CNTNAP2: variants seen among roughly 807,000 people sequenced by gnomAD.
CNTNAP2 encodes contactin-associated protein-like 2.
Under a neutral mutation model 155.2 loss-of-function variants are expected in CNTNAP2, and 98 were observed. The observed-to-expected ratio is 0.63, with a 90% CI of 0.54 to 0.75. The LOEUF (loss-of-function observed/expected upper bound fraction) is 0.75, where lower values mean the gene tolerates loss of function less well. Among genes scored for constraint, CNTNAP2 ranks in the 30% least tolerant of loss-of-function variants. The probability of loss-of-function intolerance (pLI) is 0.00; values close to 1 mark genes in which losing one functional copy is unlikely to be tolerated. For missense variants in CNTNAP2, 1,727 were observed against 1,688.1 expected, an observed-to-expected ratio of 1.02 and a Z score of -0.40; for synonymous variants, 651 against 631.2, an observed-to-expected ratio of 1.03 and a Z score of -0.47.
chr7:146,795,375 G>T (rs1323636368), intron 2 of CNTNAP2, among the ~76,000 whole-genome samples: 1 of 152,048 alleles, frequency 6.6e-6, no homozygotes, highest in Non-Finnish European at 1.5e-5. Flanking sequence ...CAACATTCAT[G>T]GTACAAAACA....
chr7:147,353,177 C>G (rs1796000032), intron 9 of CNTNAP2, among the ~76,000 whole-genome samples: 1 of 149,886 alleles, frequency 6.7e-6, no homozygotes, highest in African/African-American at 2.5e-5. Context: ...ACTTTAAGTT[C>G]TGGGATACAT....
intron 1 of CNTNAP2, among the ~76,000 whole-genome samples, chr7:146,524,163 G>A (rs1047654386): frequency 4.6e-5 from 7 of 152,090 alleles, no homozygotes; most frequent in Non-Finnish European, 1.0e-4. Context: ...TCACTATGTC[G>A]ATGGCCCATA....
At chr7:146,634,537 A>G (rs1799566575) in intron 1 of CNTNAP2, among the ~76,000 whole-genome samples, 1 of 152,206 alleles carries the variant, frequency 6.6e-6, no homozygotes. Flanking sequence ...TAAAGAAATT[A>G]ACTGATTTTA....
intron 1 of CNTNAP2, among the ~76,000 whole-genome samples, chr7:146,665,712 C>T (rs1017670853): frequency 4.9e-4 from 68 of 138,868 alleles, no homozygotes; most frequent in African/African-American, 1.7e-3. Context: ...ACCCAGGAGG[C>T]GGAGGTGGCA....
At chr7:147,414,449 A>G (rs13243643) in intron 10 of CNTNAP2, among the ~76,000 whole-genome samples, 25,732 of 149,910 alleles carry the variant, frequency 0.17, 2,894 homozygotes, top group Non-Finnish European at 0.25. Context: ...AAAAAAAAAA[A>G]AAGGATGCCA....
intron 1 of CNTNAP2, among the ~76,000 whole-genome samples, chr7:146,637,636 T>G (rs1799621734): frequency 6.6e-6 from 1 of 152,210 alleles, no homozygotes; most frequent in African/African-American, 2.4e-5. Flanking sequence ...CTTTCTAATG[T>G]GTATTTTCTC....
At chr7:147,524,233 T>C (rs1342886675) in intron 11 of CNTNAP2, among the ~76,000 whole-genome samples, 3 of 152,252 alleles carry the variant, frequency 2.0e-5, no homozygotes, top group Middle Eastern at 3.4e-3. Context: ...AGTTGAAAAA[T>C]AGCGTGGCTA....
intron 8 of CNTNAP2, among the ~76,000 whole-genome samples, chr7:147,290,695 A>G (rs1169463144): frequency 6.6e-6 from 1 of 151,596 alleles, no homozygotes; most frequent in Non-Finnish European, 1.5e-5. Context: ...AAAAAAAAAA[A>G]AAAAAAAAAA....
At chr7:148,054,523 GA>G (rs1464171099) in intron 15 of CNTNAP2, among the ~76,000 whole-genome samples, 4 of 142,514 alleles carry the variant, frequency 2.8e-5, no homozygotes, top group African/African-American at 1.1e-4. Flanking sequence ...AAGGCAACTA[GA>G]GTGCTAGGCA....
chr7:147,480,730 C>A (rs1428663154), intron 10 of CNTNAP2, among the ~76,000 whole-genome samples: 1 of 152,154 alleles, frequency 6.6e-6, no homozygotes, highest in African/African-American at 2.4e-5. Context: ...CCTTCCTGGG[C>A]TGTTTCTCCT....
chr7:146,710,651 AT>A (rs933004357), intron 1 of CNTNAP2, among the ~76,000 whole-genome samples: 1 of 152,000 alleles, frequency 6.6e-6, no homozygotes, highest in Non-Finnish European at 1.5e-5. Flanking sequence ...TGCACTTCTG[AT>A]TTTTTTCCTC....
intron 15 of CNTNAP2, among the ~76,000 whole-genome samples, chr7:148,035,478 A>G (rs1437635485): frequency 6.6e-6 from 1 of 152,168 alleles, no homozygotes; most frequent in African/African-American, 2.4e-5. Context: ...CTGTGGCTCA[A>G]GTGGGCCCAG....
At chr7:146,940,447 C>A (rs1416466857) in intron 3 of CNTNAP2, among the ~76,000 whole-genome samples, 1 of 152,100 alleles carries the variant, frequency 6.6e-6, no homozygotes, top group Non-Finnish European at 1.5e-5. Context: ...CCTGCCTCAG[C>A]CTCCCAAAGT....
At chr7:146,354,324 G>A (rs1479434430) in intron 1 of CNTNAP2, among the ~76,000 whole-genome samples, 1 of 151,812 alleles carries the variant, frequency 6.6e-6, no homozygotes, top group Non-Finnish European at 1.5e-5. Context: ...ACCTAAATGT[G>A]AGACATTATA....
chr7:148,035,692 C>T (rs1399288732), intron 15 of CNTNAP2, among the ~76,000 whole-genome samples: 4 of 152,148 alleles, frequency 2.6e-5, no homozygotes, highest in Non-Finnish European at 5.9e-5. Flanking sequence ...CCCACTATGG[C>T]GATGCCTGGT....
chr7:147,317,604 A>G (rs1384130039), intron 9 of CNTNAP2, among the ~76,000 whole-genome samples: 1 of 152,100 alleles, frequency 6.6e-6, no homozygotes, highest in Non-Finnish European at 1.5e-5. Flanking sequence ...ACTTTAATCA[A>G]CACTTCTTCA....
intron 8 of CNTNAP2, among the ~76,000 whole-genome samples, chr7:147,274,125 T>C (rs960111463): frequency 6.6e-6 from 1 of 151,964 alleles, no homozygotes; most frequent in African/African-American, 2.4e-5. Flanking sequence ...TCCATGACTT[T>C]GCTATTGCAA....
chr7:148,206,588 G>A (rs1391873162), intron 18 of CNTNAP2, among the ~76,000 whole-genome samples: 1 of 152,162 alleles, frequency 6.6e-6, no homozygotes, highest in East Asian at 1.9e-4. Flanking sequence ...ACCAAGTTAT[G>A]TCCAACATCC....
chr7:146,794,145 T>G (rs1329674942), intron 2 of CNTNAP2, among the ~76,000 whole-genome samples: 2 of 152,216 alleles, frequency 1.3e-5, no homozygotes, highest in African/African-American at 4.8e-5. Context: ...CTAGGCTAAA[T>G]GCCCTTGGAT....
Sources: allele counts gnomAD v4.1 joint callset (sites outside exome capture counted in the v4.1 genomes callset), GRCh38; gene constraint gnomAD v4.1.1; transcripts MANE v1.5; gene names NCBI Gene and HGNC (gene_info 2026-07-23, HGNC 2026-07-21).